Variants in UBR4 observed in about 807,000 individuals in gnomAD.
The protein encoded by UBR4 is E3 ubiquitin-protein ligase UBR4.
Under a neutral mutation model 575.6 loss-of-function variants are expected in UBR4, and 124 were observed. That is an observed-to-expected ratio of 0.22 (90% CI 0.19 to 0.25). The LOEUF (loss-of-function observed/expected upper bound fraction) is 0.25. Among genes scored for constraint, UBR4 ranks in the 10% least tolerant of loss-of-function variants. UBR4 has a pLI of 1.00. For synonymous variants in UBR4, 2,455 were observed against 2,473.7 expected (o/e 0.99, Z 0.22); for missense variants, 4,818 against 6,478.8 (o/e 0.74, Z 8.80).
At position 19,121,223 on chromosome 1, in the gene UBR4, C is replaced by G; in HGVS notation, c.10107G>C (p.Lys3369Asn). 6.2e-7 allele frequency: 1 copy of G among 1,614,158 alleles called. No homozygotes were observed. Among genetic ancestry groups the G allele is most frequent in the Non-Finnish European group, 8.5e-7 (1 of 1,180,030 alleles). The change falls in exon 68 of 106, where the codon AAG (lysine) becomes AAC (asparagine). Residue 3369 changes from lysine to asparagine, a missense_variant. By Grantham distance (94) the Lys-to-Asn change is moderately conservative (BLOSUM62 0). Coordinates refer to ENST00000375254, the MANE Select transcript of UBR4 (RefSeq NM_020765.3). ...ATTQSKSSTK[K>N]SKKEEKEKEK... ...CCTTTTCTTTTTCTTCTTTCTTGCT[C>G]TTTTTAGTGGAAGACTTGGACTGTG... is the stretch of plus-strand genomic sequence containing the variant.
rs1418273638 is a variant in UBR4, at chr1:19,155,773, A to G, written c.6073-105T>C. 9.8e-6 allele frequency: 9 copies of G among 921,176 alleles called. No individual in the cohort carries two copies. The East Asian group carries it at 2.1e-4, about 21-fold the overall frequency. 57.1% of individuals were successfully genotyped at this position (921,176 alleles called of 1,614,324 possible). A position where few individuals can be genotyped will look rare whatever the true frequency, so the allele number is the denominator to read the frequency against. On this transcript the variant is annotated intron_variant, in intron 42 of 105. Transcript: ENST00000375254. ...CGGAACTGACCAATAACAGGCATTC[A>G]TTCTCCATTCAGTAAAAAAATGGAG...
At chr1:19,141,281 A>G in intron 57 of UBR4, 66 bp downstream of exon 57, 1 of 1,608,608 alleles carries the variant, frequency 6.2e-7, no homozygotes, top group East Asian at 2.2e-5. Context: ...GGATATCAGT[A>G]ACTGCCAAAC....
rs1013660638 is a variant in UBR4, at chr1:19,088,665, C to T, written c.14430+94G>A. 1.4e-5 allele frequency: 18 copies of T among 1,306,500 alleles called. No homozygotes were observed. Among genetic ancestry groups the T allele is most frequent in the Non-Finnish European group, 1.8e-5 (17 of 919,392 alleles). 80.9% of individuals were successfully genotyped at this position (1,306,500 alleles called of 1,614,324 possible). ...CCTTCCTCCTACTCTGTCCAGCCTTCTCTTTCCCCATGGCCAACCCCAGGG... is the reference window on the plus strand; with the variant it reads ...CCTTCCTCCTACTCTGTCCAGCCTTTTCTTTCCCCATGGCCAACCCCAGGG... On this transcript the variant is annotated intron_variant, in intron 98 of 105. Coordinates refer to ENST00000375254, the MANE Select transcript of UBR4 (RefSeq NM_020765.3). The surrounding 1 kb of genome is among the most constrained non-coding windows in gnomAD (Gnocchi z 4.0).
chr1:19,208,466 CAA>C (rs71030137), intron 1 of UBR4, among the ~76,000 whole-genome samples: 9 of 76,904 alleles, frequency 1.2e-4, no homozygotes, highest in South Asian at 7.0e-4. Flanking sequence ...GAATCCATCT[CAA>C]AAAAAAAAAA....
intron 2 of UBR4, among the ~76,000 whole-genome samples, chr1:19,199,986 C>T (rs1189037868): frequency 6.6e-6 from 1 of 152,190 alleles, no homozygotes; most frequent in African/African-American, 2.4e-5. Context: ...TACATCACAC[C>T]AGTGCCAAGC....
rs1375658452 is a variant in UBR4, at chr1:19,205,122, T to C, written c.177-3307A>G. ...TAATGAACTGCAACAACAGCACCGCTGAGCGTGAAACACTGTGGATAGACA... is the reference window on the plus strand; with the variant it reads ...TAATGAACTGCAACAACAGCACCGCCGAGCGTGAAACACTGTGGATAGACA... On this transcript the variant is annotated intron_variant, in intron 1 of 105. Transcript: ENST00000375254. Among the ~76,000 whole-genome samples the C allele has an allele frequency of 3.3e-5, 5 of 152,218 alleles. No homozygotes were observed. In the East Asian group the frequency reaches 7.7e-4, roughly 23 times the overall value.
At chr1:19,097,156 C>T in intron 91 of UBR4, 37 bp downstream of exon 91, 1 of 1,577,210 alleles carries the variant, frequency 6.3e-7, no homozygotes, top group South Asian at 1.2e-5. Context: ...CTCATGAGTC[C>T]CAAGCCTCAG....
intron 97 of UBR4, among the ~76,000 whole-genome samples, chr1:19,090,498 G>T (rs1157391061): frequency 6.6e-6 from 1 of 152,164 alleles, no homozygotes; most frequent in Non-Finnish European, 1.5e-5. Flanking sequence ...AAGGCTTTAA[G>T]CTCTCTTTGG....
At chr1:19,112,356 A>G in intron 78 of UBR4, 168 bp downstream of exon 78, 1 of 745,364 alleles carries the variant, frequency 1.3e-6, no homozygotes, top group South Asian at 2.2e-5. Context: ...AATGCTCCCC[A>G]AGCTCGCTCA....
intron 3 of UBR4, 65 bp downstream of exon 3, chr1:19,199,586 C>G: frequency 6.8e-7 from 1 of 1,465,394 alleles, no homozygotes. Context: ...GACCTCTACT[C>G]TATTCCACTA....
intron 74 of UBR4, among the ~76,000 whole-genome samples, chr1:19,115,152 C>T (rs1304060449): frequency 5.3e-5 from 8 of 151,892 alleles, no homozygotes; most frequent in Non-Finnish European, 7.4e-5. Context: ...CTCCCTCCGC[C>T]CTTACCCTCC....
At chr1:19,142,586 TA>T (rs2084076612) in intron 55 of UBR4, among the ~76,000 whole-genome samples, 1 of 152,200 alleles carries the variant, frequency 6.6e-6, no homozygotes, top group Non-Finnish European at 1.5e-5. Context: ...TACAATCCTC[TA>T]GATGTGCACT....
Position 19,165,645 on chromosome 1 carries a change from A to C in UBR4, c.4211+11T>G. 2 of 1,611,590 alleles carry C rather than the reference A, an allele frequency of 1.2e-6. No individual in the cohort carries two copies. ...AAAAATATTCACTGAATAAAGCAAA[A>C]CACGGCTCACCTGTCAGAGAAAAAC... On this transcript the variant is annotated intron_variant, in intron 30 of 105. Transcript: ENST00000375254.
chr1:19,099,586 C>G lies in UBR4; in HGVS notation c.13302+11G>C. 6.2e-7 allele frequency: 1 copy of G among 1,611,678 alleles called. No homozygotes were observed. The highest frequency in any genetic ancestry group is 8.5e-7 in the Non-Finnish European group (1 of 1,178,632). On this transcript the variant is annotated intron_variant, in intron 90 of 105. Coordinates refer to ENST00000375254, the MANE Select transcript of UBR4 (RefSeq NM_020765.3). The stretch of plus-strand genomic sequence containing the variant: ...GAAACCACACCTCCAAACGAGAAAG[C>G]AGGCACATACCTCATTCGTGGTACA...
rs367744126 is a variant in UBR4, at chr1:19,152,488, G to A, written c.6833-12C>T. 1.2e-4 allele frequency: 189 copies of A among 1,613,266 alleles called. 1 individual carries two copies. The highest frequency in any genetic ancestry group is 1.4e-4 in the Non-Finnish European group (160 of 1,179,766). On this transcript the variant is annotated splice_polypyrimidine_tract_variant and intron_variant, in intron 46 of 105. Transcript: ENST00000375254. The surrounding 1 kb of genome is among the most constrained non-coding windows in gnomAD (Gnocchi z 4.4). ...AGACGTGCGGGTTGCTGCAGAGAAC[G>A]GTACCAGATCGTCAAGAGTCTCTCC...
At chr1:19,195,246 C>G (rs968888826) in intron 8 of UBR4, among the ~76,000 whole-genome samples, 3 of 141,630 alleles carry the variant, frequency 2.1e-5, no homozygotes, top group Non-Finnish European at 4.5e-5. Flanking sequence ...GCCTGGGCGA[C>G]TGAGCGAGAC....
chr1:19,096,231 T>C (rs914022748), intron 92 of UBR4, among the ~76,000 whole-genome samples: 2 of 151,918 alleles, frequency 1.3e-5, no homozygotes, highest in African/African-American at 2.4e-5. Context: ...ACAAAATCCA[T>C]TTTAAAAACA....
intron 60 of UBR4, among the ~76,000 whole-genome samples, chr1:19,129,888 T>C (rs2082234600): frequency 6.6e-6 from 1 of 152,222 alleles, no homozygotes; most frequent in South Asian, 2.1e-4. Flanking sequence ...AATTAGCAAA[T>C]GGTCCTTGTC....
chr1:19,113,775 C>G lies in UBR4; in HGVS notation c.11381G>C (p.Arg3794Pro), dbSNP rs150786150. 6.2e-7 allele frequency: 1 copy of G among 1,614,210 alleles called. No individual in the cohort carries two copies. Among genetic ancestry groups the G allele is most frequent in the East Asian group, 2.2e-5 (1 of 44,886 alleles). Residue 3794 changes from arginine (R) to proline (P), a missense_variant, in exon 77 of 106, where the codon CGT (arginine) becomes CCT (proline). Arg to Pro is a moderately radical substitution (Grantham distance 103). Around this residue, in one of 29 missense-constraint regions of UBR4, gnomAD observed 333 missense variants for 459.2 expected, o/e 0.73. Coordinates refer to ENST00000375254, the MANE Select transcript of UBR4 (RefSeq NM_020765.3). ...GISSTSASVNRYILQLAQEYC... is the reference protein window; with the variant it reads ...GISSTSASVNPYILQLAQEYC... ...CTCCTGAGCCAACTGCAGGATGTAA[C>G]GATTCACACTGGCAGAAGTGGAGCT...
Sources: gnomAD v4.1 joint callset for allele counts (sites outside exome capture counted in the v4.1 genomes callset) on GRCh38, gnomAD v4.1.1 for gene constraint, gnomAD v4.1.1 regional missense constraint, Gnocchi (gnomAD v3.1) non-coding constraint, MANE v1.5 for transcripts, NCBI Gene and HGNC (gene_info 2026-07-23, HGNC 2026-07-21) for gene names.